OR8D1: variants seen among roughly 807,000 people sequenced by gnomAD.
OR8D1 encodes the protein olfactory receptor 8D1.
For synonymous variants in OR8D1, 143 were observed against 147.0 expected (o/e 0.97, Z 0.20); for missense variants, 384 against 366.8 (o/e 1.05, Z -0.38).
chr11:124,304,048 T>C lies in OR8D1; in HGVS notation c.*5792A>G, dbSNP rs1862346376. ...ACCACATTCATTCATTACAATATAA[T>C]AGTTCAGTAGTTACAATGGAATCCT... On this transcript the variant is annotated 3_prime_UTR_variant, in exon 3 of 3. Coordinates refer to ENST00000641015, the MANE Select transcript of OR8D1 (RefSeq NM_001002917.2). 6.6e-6 allele frequency: 1 copy of C among 152,066 alleles called. No individual in the cohort carries two copies. The highest frequency in any genetic ancestry group is 2.1e-4 in the South Asian group (1 of 4,834). 9.4% of individuals were successfully genotyped at this position (152,066 alleles called of 1,614,324 possible). A position where few individuals can be genotyped will look rare whatever the true frequency, so the allele number is the denominator to read the frequency against.
rs1241596415 is a variant in OR8D1, at chr11:124,307,571, T to C, written c.*2269A>G. 1 of 152,154 alleles carries C rather than the reference T, an allele frequency of 6.6e-6. No homozygotes were observed. Among genetic ancestry groups the C allele is most frequent in the Admixed American group, 6.6e-5 (1 of 15,252 alleles). 9.4% of individuals were successfully genotyped at this position (152,154 alleles called of 1,614,324 possible). On this transcript the variant is annotated 3_prime_UTR_variant, in exon 3 of 3. Transcript: ENST00000641015. ...TGGGTCCTATAATCCTAAGTAATTG[T>C]AGGCTGGATAGTTTGAGCAACCTTA...
rs1862343967 is a variant in OR8D1, at chr11:124,303,734, AT to A, written c.*6105del. On this transcript the variant is annotated 3_prime_UTR_variant, in exon 3 of 3. Coordinates refer to ENST00000641015, the MANE Select transcript of OR8D1 (RefSeq NM_001002917.2). Reference sequence around the variant, plus strand: ...AAGTCATAAAGTCCTCTGTTTTCTTATTTTTATATTATAATCATTTCAAAAT... The same window carrying A: ...AAGTCATAAAGTCCTCTGTTTTCTTATTTTATATTATAATCATTTCAAAAT... 1.3e-5 allele frequency: 2 copies of A among 151,890 alleles called. No homozygotes were observed. The highest frequency in any genetic ancestry group is 2.9e-5 in the Non-Finnish European group (2 of 67,932). The allele number at this position is 151,890 out of a possible 1,614,324, so 9.4% of individuals were successfully genotyped here.
rs768575513 is a variant in OR8D1 at position 124,310,298 on chromosome 11, A to C, written c.469T>G (p.Leu157Val). Residue 157 changes from leucine to valine, a missense_variant, in exon 3 of 3, where the codon TTG becomes GTG. Physicochemically the swap from Leu to Val is conservative, Grantham distance 32 (BLOSUM62 1). Coordinates refer to ENST00000641015, the MANE Select transcript of OR8D1 (RefSeq NM_001002917.2). ...AAFFLGFLSA[L>V]THTSAMMKLS... ...TTCATCATGGCACTTGTATGAGTCAAGGCAGAGAGAAAGCCCAAGAAGAAG... is the reference window on the plus strand; with the variant it reads ...TTCATCATGGCACTTGTATGAGTCACGGCAGAGAGAAAGCCCAAGAAGAAG... 1 of 1,613,812 alleles carries C rather than the reference A, an allele frequency of 6.2e-7. No individual in the cohort carries two copies. Among genetic ancestry groups the C allele is most frequent in the South Asian group, 1.1e-5 (1 of 91,072 alleles).
In OR8D1 at chr11:124,310,357, G is replaced by A; in HGVS notation, c.410C>T (p.Ser137Phe). The change falls in exon 3 of 3, where the codon TCC (serine) becomes TTC (phenylalanine). Residue 137 changes from serine to phenylalanine, a missense_variant. Physicochemically the swap from Ser to Phe is radical, Grantham distance 155. Transcript: ENST00000641015. ...CSPLLYNAIM[S>F]SWVCSLLVLA... ...CACTAGCAGTGAGCAGACCCATGAG[G>A]ACATGATCGCATTATAAAGCAGTGG... 6.2e-7 allele frequency: 1 copy of A among 1,613,616 alleles called. No individual in the cohort carries two copies.
At chr11:124,313,275 A>G (rs1487263078) in intron 1 of OR8D1, among the ~76,000 whole-genome samples, 1 of 150,550 alleles carries the variant, frequency 6.6e-6, no homozygotes, top group African/African-American at 2.5e-5. Flanking sequence ...GGAAGGAGAG[A>G]GAGAGAGAAA....
chr11:124,310,827 T>C (rs1013783402), intron 2 of OR8D1, 45 bp from the exon 3 acceptor site: 1 of 1,345,080 alleles, frequency 7.4e-7, no homozygotes, highest in African/African-American at 1.4e-5. Flanking sequence ...GGACCCTCAC[T>C]GCTCTTCCAA....
chr11:124,310,746 A>G lies in OR8D1; in HGVS notation c.21T>C (p.Ser7=). ...CATCTAAGACAAACTGAGCTGCCATAGAATAATTTTCCATGGTCATTCTTC... is the reference window on the plus strand; with the variant it reads ...CATCTAAGACAAACTGAGCTGCCATGGAATAATTTTCCATGGTCATTCTTC... MTMENY[S]MAAQFVLDGL... The change falls in exon 3 of 3, where the codon TCT becomes TCC. Residue 7 remains serine (S), a synonymous_variant. Transcript: ENST00000641015. 6.2e-7 allele frequency: 1 copy of G among 1,610,600 alleles called. No individual in the cohort carries two copies. Among genetic ancestry groups the G allele is most frequent in the Non-Finnish European group, 8.5e-7 (1 of 1,178,100 alleles).
chr11:124,308,502 G>A lies in OR8D1; in HGVS notation c.*1338C>T, dbSNP rs917313439. The A allele has an allele frequency of 6.6e-6, 1 of 152,040 alleles. No homozygotes were observed. Among genetic ancestry groups the A allele is most frequent in the Admixed American group, 6.6e-5 (1 of 15,242 alleles). The allele number at this position is 152,040 out of a possible 1,614,324, so 9.4% of individuals were successfully genotyped here. On this transcript the variant is annotated 3_prime_UTR_variant, in exon 3 of 3. Coordinates refer to ENST00000641015, the MANE Select transcript of OR8D1 (RefSeq NM_001002917.2). The stretch of plus-strand genomic sequence containing the variant: ...GGCCACGGTAAATGTTTAGGACCTG[G>A]TTCAACAAACTGATAGGAAGATGTA...
chr11:124,310,641 G>C lies in OR8D1; in HGVS notation c.126C>G (p.Asn42Lys). The change falls in exon 3 of 3, where the codon AAC becomes AAG. Residue 42 changes from asparagine to lysine, a missense_variant. Asn to Lys is a moderately conservative substitution (Grantham distance 94). Coordinates refer to ENST00000641015, the MANE Select transcript of OR8D1 (RefSeq NM_001002917.2). Reference protein sequence around the residue: ...LGIYVVTVVGNLGMILLIAVS... With the variant: ...LGIYVVTVVGKLGMILLIAVS... ...CTGCAATCAGGAGAATCATGCCCAGGTTGCCCACTACTGTGACCACATAGA... is the reference window on the plus strand; with the variant it reads ...CTGCAATCAGGAGAATCATGCCCAGCTTGCCCACTACTGTGACCACATAGA... 6.2e-7 allele frequency: 1 copy of C among 1,613,920 alleles called. No homozygotes were observed. The highest frequency in any genetic ancestry group is 8.5e-7 in the Non-Finnish European group (1 of 1,179,866).
intron 1 of OR8D1, among the ~76,000 whole-genome samples, chr11:124,312,684 A>G (rs2137794254): frequency 6.6e-6 from 1 of 151,574 alleles, no homozygotes; most frequent in South Asian, 2.1e-4. Context: ...AGCTCAGGTA[A>G]TTTTTGTATT....
intron 1 of OR8D1, among the ~76,000 whole-genome samples, chr11:124,312,450 G>A (rs1485536814): frequency 6.6e-6 from 1 of 152,002 alleles, no homozygotes; most frequent in Non-Finnish European, 1.5e-5. Context: ...ACACAGCAGA[G>A]CTATGCAAGC....
chr11:124,311,370 G>C (rs536679340), intron 2 of OR8D1, among the ~76,000 whole-genome samples: 1 of 152,238 alleles, frequency 6.6e-6, no homozygotes, highest in African/African-American at 2.4e-5. Flanking sequence ...CCTCTGCTAA[G>C]CTGGAGAAGG....
chr11:124,313,146 C>T (rs1254149731), intron 1 of OR8D1, among the ~76,000 whole-genome samples: 1 of 149,110 alleles, frequency 6.7e-6, no homozygotes, highest in Non-Finnish European at 1.5e-5. Flanking sequence ...TGCACTCCAG[C>T]GCGGGTGACA....
chr11:124,312,518 CTTTT>C (rs201492454), intron 1 of OR8D1, among the ~76,000 whole-genome samples: 3 of 132,750 alleles, frequency 2.3e-5, no homozygotes, highest in African/African-American at 5.7e-5. Context: ...TTCTTTCTTT[CTTTT>C]TTTTTTTTTT....
chr11:124,307,854 G>C lies in OR8D1; in HGVS notation c.*1986C>G, dbSNP rs1862380702. The C allele has an allele frequency of 1.3e-5, 2 of 152,042 alleles. No individual in the cohort carries two copies. The highest frequency in any genetic ancestry group is 1.5e-5 in the Non-Finnish European group (1 of 68,006). 9.4% of individuals were successfully genotyped at this position (152,042 alleles called of 1,614,324 possible). A position where few individuals can be genotyped will look rare whatever the true frequency, so the allele number is the denominator to read the frequency against. Reference sequence around the variant, plus strand: ...TGGATTTGTTAAATGTATAAGTTCTGAGCAGGGCTACAAATACCCATCTTC... The same window carrying C: ...TGGATTTGTTAAATGTATAAGTTCTCAGCAGGGCTACAAATACCCATCTTC... On this transcript the variant is annotated 3_prime_UTR_variant, in exon 3 of 3. Transcript: ENST00000641015.
Position 124,309,746 on chromosome 11 carries a change from A to G in OR8D1, c.*94T>C, listed in dbSNP as rs1862400609. ...TATTTTTAAAATCTAGATATTATGT[A>G]TGTTACAACAGAAGAACATGAAAAT... On this transcript the variant is annotated 3_prime_UTR_variant, in exon 3 of 3. Coordinates refer to ENST00000641015, the MANE Select transcript of OR8D1 (RefSeq NM_001002917.2). 3.2e-6 allele frequency: 2 copies of G among 628,100 alleles called. No individual in the cohort carries two copies. The highest frequency in any genetic ancestry group is 2.5e-6 in the Non-Finnish European group (1 of 397,804). 38.9% of individuals were successfully genotyped at this position (628,100 alleles called of 1,614,324 possible). A position where few individuals can be genotyped will look rare whatever the true frequency, so the allele number is the denominator to read the frequency against.
chr11:124,312,417 T>C (rs1862429696), intron 1 of OR8D1, among the ~76,000 whole-genome samples: 1 of 152,098 alleles, frequency 6.6e-6, no homozygotes, highest in Non-Finnish European at 1.5e-5. Flanking sequence ...CCAAGGGACA[T>C]GTGCTTATGA....
rs1862401639 is a variant in OR8D1, at chr11:124,309,873, C to G, written c.894G>C (p.Lys298Asn). 6.7e-7 allele frequency: 1 copy of G among 1,486,688 alleles called. No homozygotes were observed. Among genetic ancestry groups the G allele is most frequent in the Non-Finnish European group, 9.0e-7 (1 of 1,117,088 alleles). 92.1% of individuals were successfully genotyped at this position (1,486,688 alleles called of 1,614,324 possible). Reference protein sequence around the residue: ...LIYSLRNKDVKKALRKVLVGK With the variant: ...LIYSLRNKDVNKALRKVLVGK ...CTACTAAGACCTTCCTTAATGCTTT[C>G]TTCACATCCTTATTCCTCAGACTGT... Residue 298 changes from lysine to asparagine, a missense_variant, in exon 3 of 3, where the codon AAG becomes AAC. Physicochemically the swap from Lys to Asn is moderately conservative, Grantham distance 94 (BLOSUM62 0). Coordinates refer to ENST00000641015, the MANE Select transcript of OR8D1 (RefSeq NM_001002917.2).
At position 124,305,873 on chromosome 11, in the gene OR8D1, C is replaced by T. The variant is rs546327810; in HGVS notation, c.*3967G>A. The T allele has an allele frequency of 3.3e-4, 50 of 152,004 alleles. No homozygotes were observed. Among genetic ancestry groups the T allele is most frequent in the Admixed American group, 9.8e-4 (15 of 15,232 alleles). 9.4% of individuals were successfully genotyped at this position (152,004 alleles called of 1,614,324 possible). A position where few individuals can be genotyped will look rare whatever the true frequency, so the allele number is the denominator to read the frequency against. On this transcript the variant is annotated 3_prime_UTR_variant, in exon 3 of 3. Transcript: ENST00000641015. The stretch of plus-strand genomic sequence containing the variant: ...AGAAAGAATGTCTGTTAAAGCACTA[C>T]GGATTTTTCATTCAAGCCGTCATAC...
Sources: gnomAD v4.1 joint callset for allele counts (sites outside exome capture counted in the v4.1 genomes callset) on GRCh38, gnomAD v4.1.1 for gene constraint, MANE v1.5 for transcripts, NCBI Gene and HGNC (gene_info 2026-07-23, HGNC 2026-07-21) for gene names.